MAN1C1: variants seen among roughly 807,000 people sequenced by gnomAD.
MAN1C1 encodes mannosyl-oligosaccharide 1,2-alpha-mannosidase IC.
MAN1C1 carries 49 observed loss-of-function variants against 71.5 expected under a neutral mutation model. The ratio of observed to expected loss-of-function variants is 0.69; its 90% confidence interval spans 0.54 to 0.87. The LOEUF (loss-of-function observed/expected upper bound fraction) is 0.87. Among genes scored for constraint, MAN1C1 ranks in the 40% least tolerant of loss-of-function variants. MAN1C1 has a pLI of 0.00. For missense variants in MAN1C1, 743 were observed against 835.0 expected (o/e 0.89, Z 1.36); for synonymous variants, 352 against 343.7 (o/e 1.02, Z -0.27).
chr1:25,758,315 G>C (rs922591731), intron 5 of MAN1C1, among the ~76,000 whole-genome samples: 5 of 152,130 alleles, frequency 3.3e-5, no homozygotes, highest in Non-Finnish European at 5.9e-5. Flanking sequence ...ACCAGGTCTC[G>C]AGCTCCCAAG....
At chr1:25,646,961 ACT>A (rs1178171788) in intron 1 of MAN1C1, among the ~76,000 whole-genome samples, 1 of 151,802 alleles carries the variant, frequency 6.6e-6, no homozygotes, top group African/African-American at 2.4e-5. Context: ...TCATATGGTG[ACT>A]CTGTTCAACT....
At chr1:25,741,271 T>G (rs1011415881) in intron 2 of MAN1C1, among the ~76,000 whole-genome samples, 1 of 152,150 alleles carries the variant, frequency 6.6e-6, no homozygotes, top group African/African-American at 2.4e-5. Flanking sequence ...TGAGCCACTG[T>G]GCCTGGCCGA....
intron 1 of MAN1C1, among the ~76,000 whole-genome samples, chr1:25,676,148 G>A (rs1484521850): frequency 6.6e-6 from 1 of 152,198 alleles, no homozygotes; most frequent in African/African-American, 2.4e-5. Flanking sequence ...CTTAGAAACA[G>A]CTGCAGACAG....
rs1312032511 is a variant in MAN1C1 at position 25,745,260 on chromosome 1, C to T, written c.638-1408C>T. Among the ~76,000 whole-genome samples, 5 of 152,224 alleles carry T rather than the reference C, an allele frequency of 3.3e-5. 1 individual carries two copies. The highest frequency in any genetic ancestry group is 4.1e-4 in the South Asian group (2 of 4,824). On this transcript the variant is annotated intron_variant, in intron 2 of 11. Transcript: ENST00000374332. ...TAGGGGCCAGGCCTCGTAGCTGGTT[C>T]GTGCACTAGAATGAGAATGGCCGCA...
chr1:25,758,837 C>A, intron 6 of MAN1C1, 128 bp downstream of exon 6: 1 of 808,114 alleles, frequency 1.2e-6, no homozygotes, highest in Non-Finnish European at 2.1e-6. Context: ...CCCGGGAGCC[C>A]AAGCTACCAC....
In MAN1C1 at chr1:25,758,670, C is replaced by G; in HGVS notation, c.1008C>G (p.His336Gln). The G allele has an allele frequency of 6.2e-7, 1 of 1,614,172 alleles. No homozygotes were observed. The highest frequency in any genetic ancestry group is 8.5e-7 in the Non-Finnish European group (1 of 1,180,012). The change falls in exon 6 of 12, where the codon CAC becomes CAG. Residue 336 changes from histidine to glutamine, a missense_variant. By Grantham distance (24) the His-to-Gln change is conservative (BLOSUM62 0). Coordinates refer to ENST00000374332, the MANE Select transcript of MAN1C1 (RefSeq NM_020379.4). ...GATCCCTGCACTTGGAATTCTTACACCTCACTGAACTCTCTGGCAACCAGG... is the reference window on the plus strand; with the variant it reads ...GATCCCTGCACTTGGAATTCTTACAGCTCACTGAACTCTCTGGCAACCAGG... ...EFGSLHLEFL[H>Q]LTELSGNQVF...
chr1:25,750,595 C>T (rs367788806), intron 4 of MAN1C1, among the ~76,000 whole-genome samples: 7 of 152,324 alleles, frequency 4.6e-5, no homozygotes, highest in African/African-American at 1.2e-4. Context: ...TCAAGGGTTT[C>T]GAAGCAACAG....
At chr1:25,685,407 G>A (rs2046216147) in intron 1 of MAN1C1, among the ~76,000 whole-genome samples, 2 of 152,142 alleles carry the variant, frequency 1.3e-5, no homozygotes, top group Admixed American at 1.3e-4. Flanking sequence ...CTGCTCCACG[G>A]GTCACCCCAG....
chr1:25,695,598 C>T (rs542299185), intron 2 of MAN1C1, among the ~76,000 whole-genome samples: 4 of 151,144 alleles, frequency 2.6e-5, no homozygotes, highest in Non-Finnish European at 4.4e-5. Flanking sequence ...CTCACACCGC[C>T]GACCGACCAC....
intron 2 of MAN1C1, among the ~76,000 whole-genome samples, chr1:25,705,688 G>A (rs2046511821): frequency 6.6e-6 from 1 of 152,258 alleles, no homozygotes; most frequent in Non-Finnish European, 1.5e-5. Context: ...GCTCACGCCT[G>A]TAATACCAAC....
intron 2 of MAN1C1, among the ~76,000 whole-genome samples, chr1:25,712,027 G>A (rs968259017): frequency 6.6e-6 from 1 of 152,180 alleles, no homozygotes; most frequent in Non-Finnish European, 1.5e-5. Context: ...GACCAGCTAA[G>A]CTGGGTGAGT....
At chr1:25,679,950 A>AAAAAATATATAT (rs1285307256) in intron 1 of MAN1C1, among the ~76,000 whole-genome samples, 3 of 117,260 alleles carry the variant, frequency 2.6e-5, no homozygotes, top group African/African-American at 1.1e-4. Flanking sequence ...AAAAAAAAAA[A>AAAAAATATATAT]ATATATATAT....
intron 2 of MAN1C1, chr1:25,710,167 C>G (rs930367884): frequency 1.3e-5 from 2 of 152,238 alleles, no homozygotes; most frequent in Non-Finnish European, 2.9e-5. Flanking sequence ...TTGCTGTTCT[C>G]CCACTGGCAT....
At chr1:25,780,379 T>A (rs2047676586) in intron 9 of MAN1C1, among the ~76,000 whole-genome samples, 1 of 152,110 alleles carries the variant, frequency 6.6e-6, no homozygotes, top group African/African-American at 2.4e-5. Context: ...TCCTGGGCAA[T>A]CTTCCCTCCA....
chr1:25,692,390 A>G (rs980443800), intron 2 of MAN1C1, among the ~76,000 whole-genome samples: 2 of 152,118 alleles, frequency 1.3e-5, no homozygotes, highest in Non-Finnish European at 2.9e-5. Context: ...TTTCTAAAAT[A>G]TATATATTTC....
At chr1:25,736,145 C>A (rs75815331) in intron 2 of MAN1C1, among the ~76,000 whole-genome samples, 2 of 152,122 alleles carry the variant, frequency 1.3e-5, no homozygotes, top group African/African-American at 4.8e-5. Context: ...GATTTTTGCC[C>A]TTCTCCCCAT....
At chr1:25,665,580 G>A (rs568980603) in intron 1 of MAN1C1, among the ~76,000 whole-genome samples, 13 of 152,030 alleles carry the variant, frequency 8.6e-5, no homozygotes, top group Non-Finnish European at 1.8e-4. Context: ...TTTGCACACC[G>A]CTGTGGACCA....
At chr1:25,653,918 C>CT (rs1283753227) in intron 1 of MAN1C1, among the ~76,000 whole-genome samples, 1 of 152,176 alleles carries the variant, frequency 6.6e-6, no homozygotes, top group Non-Finnish European at 1.5e-5. Flanking sequence ...GGCTGCCACA[C>CT]TGGGGATGCT....
chr1:25,691,514 A>C (rs920149618), intron 2 of MAN1C1, among the ~76,000 whole-genome samples: 1 of 152,248 alleles, frequency 6.6e-6, no homozygotes, highest in Admixed American at 6.5e-5. Context: ...CACACACATG[A>C]AGTGCTTATA....
Sources: gnomAD v4.1 joint callset for allele counts (sites outside exome capture counted in the v4.1 genomes callset) on GRCh38, gnomAD v4.1.1 for gene constraint, MANE v1.5 for transcripts, NCBI Gene and HGNC (gene_info 2026-07-23, HGNC 2026-07-21) for gene names.